ADD2: variants seen among roughly 807,000 people sequenced by gnomAD.
The protein encoded by ADD2 is adducin 2.
ADD2 carries 23 observed loss-of-function variants against 83.0 expected under a neutral mutation model. The observed-to-expected ratio is 0.28, with a 90% CI of 0.20 to 0.39. The LOEUF is 0.39. ADD2 is among the 10% of genes least tolerant of loss of function. The probability of loss-of-function intolerance (pLI) is 1.00; values close to 1 mark genes in which losing one functional copy is unlikely to be tolerated. For missense variants in ADD2, 758 were observed against 944.9 expected (o/e 0.80, Z 2.59); for synonymous variants, 375 against 375.4 (o/e 1.00, Z 0.01).
chr2:70,724,429 C>G (rs1271614999), intron 1 of ADD2, among the ~76,000 whole-genome samples: 1 of 152,226 alleles, frequency 6.6e-6, no homozygotes, highest in Non-Finnish European at 1.5e-5. Flanking sequence ...TGCCAGCTTC[C>G]TAATGAAGCA....
chr2:70,696,119 G>C, intron 5 of ADD2, 126 bp downstream of exon 5: 1 of 1,297,162 alleles, frequency 7.7e-7, no homozygotes, highest in Non-Finnish European at 1.1e-6. Flanking sequence ...AACTTGGAAG[G>C]GTTCAGTGCA....
intron 1 of ADD2, among the ~76,000 whole-genome samples, chr2:70,716,717 G>A (rs1408128707): frequency 1.3e-5 from 2 of 152,112 alleles, no homozygotes; most frequent in Non-Finnish European, 2.9e-5. Flanking sequence ...AGCAAGTGAG[G>A]ACTGAGGGGA....
chr2:70,688,823 G>A (rs1036351632), intron 8 of ADD2, among the ~76,000 whole-genome samples: 2 of 152,186 alleles, frequency 1.3e-5, no homozygotes, highest in Admixed American at 6.5e-5. Context: ...AGTCTCAGCC[G>A]TGGTGGGTCA....
Position 70,706,489 on chromosome 2 carries a change from C to T in ADD2, c.-34-47G>A, listed in dbSNP as rs940028125. ...ATGCGGTCAGGTTGGTGCTCCCCAT[C>T]GGGGTACACGTTTCTCAGAGCACAG... On this transcript the variant is annotated intron_variant, in intron 2 of 15. Transcript: ENST00000264436. The surrounding 1 kb of genome is among the most constrained non-coding windows in gnomAD (Gnocchi z 5.0). 2 of 1,485,434 alleles carry T rather than the reference C, an allele frequency of 1.3e-6. No individual in the cohort carries two copies. Among genetic ancestry groups the T allele is most frequent in the Non-Finnish European group, 1.8e-6 (2 of 1,106,706 alleles). The allele number at this position is 1,485,434 out of a possible 1,614,324, so 92.0% of individuals were successfully genotyped here.
At chr2:70,758,018 A>G (rs1674884708) in intron 1 of ADD2, among the ~76,000 whole-genome samples, 1 of 152,236 alleles carries the variant, frequency 6.6e-6, no homozygotes, top group Non-Finnish European at 1.5e-5. Flanking sequence ...AAAATTACCG[A>G]AGGAACGTAA....
intron 1 of ADD2, among the ~76,000 whole-genome samples, chr2:70,750,255 A>G (rs1281443418): frequency 6.6e-6 from 1 of 152,204 alleles, no homozygotes; most frequent in Non-Finnish European, 1.5e-5. Flanking sequence ...CCAGGGAAAC[A>G]TCATGCCTTT....
intron 4 of ADD2, among the ~76,000 whole-genome samples, chr2:70,703,808 G>A (rs1327004997): frequency 6.6e-6 from 1 of 152,152 alleles, no homozygotes; most frequent in African/African-American, 2.4e-5. Context: ...GTAATATGAG[G>A]GCTTTAAGAA....
At chr2:70,739,224 G>A (rs1297159348) in intron 1 of ADD2, among the ~76,000 whole-genome samples, 1 of 152,068 alleles carries the variant, frequency 6.6e-6, no homozygotes, top group Admixed American at 6.5e-5. Context: ...GTGGGCAAAG[G>A]ACATGAAGAC....
chr2:70,746,383 C>G (rs1328833229), intron 1 of ADD2, among the ~76,000 whole-genome samples: 2 of 152,200 alleles, frequency 1.3e-5, no homozygotes, highest in Non-Finnish European at 1.5e-5. Flanking sequence ...AATATGCAAA[C>G]ATTAAAAGCA....
intron 9 of ADD2, among the ~76,000 whole-genome samples, chr2:70,686,001 T>C (rs1670703507): frequency 6.6e-6 from 1 of 152,220 alleles, no homozygotes; most frequent in Admixed American, 6.5e-5. Context: ...GAGAAATAAA[T>C]AGGCTCTCAG....
chr2:70,692,334 G>T, intron 7 of ADD2, 69 bp downstream of exon 7: 1 of 1,441,078 alleles, frequency 6.9e-7, no homozygotes, highest in Non-Finnish European at 9.2e-7. Flanking sequence ...ACTGTTTTAA[G>T]TGACGAGATT....
At chr2:70,714,229 G>C (rs1672346776) in intron 1 of ADD2, among the ~76,000 whole-genome samples, 1 of 152,082 alleles carries the variant, frequency 6.6e-6, no homozygotes, top group Admixed American at 6.5e-5. Flanking sequence ...CTGTTGTTCT[G>C]ACCCAGAGCT....
intron 7 of ADD2, among the ~76,000 whole-genome samples, chr2:70,692,173 T>C (rs1553371767): frequency 1.3e-5 from 2 of 152,192 alleles, no homozygotes; most frequent in African/African-American, 4.8e-5. Flanking sequence ...GTACTGCTTG[T>C]GTATGCAGTA....
chr2:70,760,894 A>G (rs1224203094), intron 1 of ADD2, among the ~76,000 whole-genome samples: 1 of 152,234 alleles, frequency 6.6e-6, no homozygotes, highest in Admixed American at 6.5e-5. Flanking sequence ...GCCACAACTT[A>G]TCTTCCATCA....
intron 1 of ADD2, among the ~76,000 whole-genome samples, chr2:70,720,536 T>C (rs536420862): frequency 6.6e-6 from 1 of 152,356 alleles, no homozygotes; most frequent in East Asian, 1.9e-4. Flanking sequence ...ATTAACCATA[T>C]GTTGGGTCTC....
rs575127461 is a variant in ADD2, at chr2:70,749,063, T to G, written c.-154+18823A>C. Among the ~76,000 whole-genome samples the G allele has an allele frequency of 7.2e-5, 11 of 152,286 alleles. No homozygotes were observed. The South Asian group carries it at 2.3e-3, about 32-fold the overall frequency. ...GGGTAATTTATAGAGATAAGAGGTT[T>G]AACTGACTCATAGTTTTGCATGGCT... On this transcript the variant is annotated intron_variant, in intron 1 of 15. Coordinates refer to ENST00000264436, the MANE Select transcript of ADD2 (RefSeq NM_001617.4).
chr2:70,704,492 C>T (rs1553374103), intron 3 of ADD2, 33 bp from the exon 4 acceptor site: 4 of 1,611,204 alleles, frequency 2.5e-6, no homozygotes, highest in Admixed American at 3.3e-5. Flanking sequence ...TGTCCCCCCA[C>T]AGCCTCTCAC....
At chr2:70,721,266 A>G (rs12713709) in intron 1 of ADD2, among the ~76,000 whole-genome samples, 45,728 of 152,116 alleles carry the variant, frequency 0.3, 7,360 homozygotes, top group African/African-American at 0.42. Flanking sequence ...CAAAATTCAC[A>G]TGGATTTTAA....
chr2:70,708,362 C>G (rs1392233824), intron 2 of ADD2, among the ~76,000 whole-genome samples: 2 of 152,208 alleles, frequency 1.3e-5, no homozygotes, highest in African/African-American at 4.8e-5. Flanking sequence ...CACCTGGGAA[C>G]TTTAAAAAGT....
Sources: gnomAD v4.1 joint callset for allele counts (sites outside exome capture counted in the v4.1 genomes callset) on GRCh38, gnomAD v4.1.1 for gene constraint, Gnocchi (gnomAD v3.1) non-coding constraint, MANE v1.5 for transcripts, NCBI Gene and HGNC (gene_info 2026-07-23, HGNC 2026-07-21) for gene names.